The following DLGAP1 variants were observed in gnomAD, a reference collection of about 807,000 sequenced individuals.
DLGAP1 encodes DLG associated protein 1, also known as disks large-associated protein 1.
Under a neutral mutation model 90.8 loss-of-function variants are expected in DLGAP1, and 11 were observed. The observed-to-expected ratio is 0.12, with a 90% CI of 0.08 to 0.20. The LOEUF is 0.20. Ranked by LOEUF, DLGAP1 falls within the 10% of genes least tolerant of loss-of-function variation. The probability of loss-of-function intolerance (pLI) is 1.00; values close to 1 mark genes in which losing one functional copy is unlikely to be tolerated. For synonymous variants in DLGAP1, 558 were observed against 540.7 expected (o/e 1.03, Z -0.44); for missense variants, 1,050 against 1,333.8 (o/e 0.79, Z 3.31).
At chr18:4,141,464 T>C (rs918046776) in intron 2 of DLGAP1, among the ~76,000 whole-genome samples, 9 of 152,036 alleles carry the variant, frequency 5.9e-5, no homozygotes, top group Admixed American at 4.6e-4. Context: ...TTCCATGTCA[T>C]GTAGCCTCTG....
intron 7 of DLGAP1, among the ~76,000 whole-genome samples, chr18:3,726,088 G>A (rs1314608573): frequency 6.6e-6 from 1 of 152,156 alleles, no homozygotes; most frequent in Admixed American, 6.5e-5. Context: ...ACAAAATGAG[G>A]AATTTTTTTA....
At chr18:4,104,126 T>C (rs2075822693) in intron 2 of DLGAP1, among the ~76,000 whole-genome samples, 1 of 152,180 alleles carries the variant, frequency 6.6e-6, no homozygotes, top group Middle Eastern at 3.4e-3. Context: ...TACCTGGATG[T>C]AGTTTCAGAA....
intron 5 of DLGAP1, among the ~76,000 whole-genome samples, chr18:3,796,821 A>G (rs2066012364): frequency 6.6e-6 from 1 of 152,204 alleles, no homozygotes. Context: ...TTTCTTCTTC[A>G]TGGCTGAGGT....
rs187054066 is a variant in DLGAP1 at position 4,402,165 on chromosome 18, A to G, written c.-267+52841T>C. 2.8e-3 allele frequency among the ~76,000 whole-genome samples: 420 copies of G among 152,130 alleles called. 1 individual carries two copies. Among genetic ancestry groups the G allele is most frequent in the African/African-American group, 9.7e-3 (401 of 41,482 alleles). On this transcript the variant is annotated intron_variant, in intron 1 of 12. Transcript: ENST00000315677. Reference sequence around the variant, plus strand: ...CTTTTGGCGATAACTGAACTTCACCACTCTTTGGCCAATAAGTACCTAATC... The same window carrying G: ...CTTTTGGCGATAACTGAACTTCACCGCTCTTTGGCCAATAAGTACCTAATC...
intron 7 of DLGAP1, among the ~76,000 whole-genome samples, chr18:3,666,238 A>T (rs938545700): frequency 6.6e-6 from 1 of 152,258 alleles, no homozygotes; most frequent in African/African-American, 2.4e-5. Flanking sequence ...AATCTTTTGC[A>T]AATAATATCA....
intron 1 of DLGAP1, among the ~76,000 whole-genome samples, chr18:4,187,055 G>A (rs1407086218): frequency 6.6e-6 from 1 of 152,122 alleles, no homozygotes; most frequent in Admixed American, 6.6e-5. Flanking sequence ...CTCTTGGCTT[G>A]ACTGTTGTTG....
chr18:3,582,045 G>A lies in DLGAP1; in HGVS notation c.1795C>T (p.Leu599=). Residue 599 remains leucine, a synonymous_variant, in exon 8 of 13, where the codon CTG becomes TTG. Coordinates refer to ENST00000315677, the MANE Select transcript of DLGAP1 (RefSeq NM_004746.4). Reference sequence around the variant, plus strand: ...TTTGCAGCTTCGATGGCGGCTGTCAGAGCCTTCATACTGTCCAGGCTCTCG... The same window carrying A: ...TTTGCAGCTTCGATGGCGGCTGTCAAAGCCTTCATACTGTCCAGGCTCTCG... The part of the protein sequence containing the change: ...STESLDSMKA[L]TAAIEAANAQ... 10 of 1,613,850 alleles carry A rather than the reference G, an allele frequency of 6.2e-6. No individual in the cohort carries two copies. Among genetic ancestry groups the A allele is most frequent in the Non-Finnish European group, 8.5e-6 (10 of 1,179,980 alleles).
intron 3 of DLGAP1, among the ~76,000 whole-genome samples, chr18:4,003,812 G>A (rs910991089): frequency 7.2e-5 from 11 of 152,310 alleles, no homozygotes; most frequent in Middle Eastern, 3.4e-3. Flanking sequence ...AAATAAAGGC[G>A]CTGTGTGCGT....
At chr18:3,840,793 G>C (rs780570116) in intron 4 of DLGAP1, among the ~76,000 whole-genome samples, 2 of 152,140 alleles carry the variant, frequency 1.3e-5, no homozygotes, top group Non-Finnish European at 2.9e-5. Context: ...GAAAGCTTTA[G>C]TAATTTAGTA....
chr18:4,279,076 A>G (rs889097027), intron 1 of DLGAP1, among the ~76,000 whole-genome samples: 5 of 152,244 alleles, frequency 3.3e-5, no homozygotes, highest in Admixed American at 6.5e-5. Context: ...TGCAAAGGCA[A>G]TGGTTACATG....
At chr18:3,938,946 GCCCCAGTT>G (rs2072703939) in intron 3 of DLGAP1, among the ~76,000 whole-genome samples, 1 of 152,168 alleles carries the variant, frequency 6.6e-6, no homozygotes, top group South Asian at 2.1e-4. Flanking sequence ...GATGACAAGT[GCCCCAGTT>G]CTATGTATAC....
chr18:3,600,857 T>TAG (rs1568278757), intron 7 of DLGAP1, among the ~76,000 whole-genome samples: 9 of 73,690 alleles, frequency 1.2e-4, no homozygotes, highest in African/African-American at 5.5e-4. Flanking sequence ...GATATATAGA[T>TAG]ATATATAGAT....
At chr18:4,337,845 T>C (rs2081105649) in intron 1 of DLGAP1, among the ~76,000 whole-genome samples, 1 of 152,158 alleles carries the variant, frequency 6.6e-6, no homozygotes, top group Non-Finnish European at 1.5e-5. Flanking sequence ...TGAAATGAAA[T>C]TTCAGCTATT....
At chr18:3,742,578 G>T in intron 5 of DLGAP1, 66 bp from the exon 6 acceptor site, 1 of 1,567,724 alleles carries the variant, frequency 6.4e-7, no homozygotes, top group Non-Finnish European at 8.7e-7. Flanking sequence ...ATAACATGTG[G>T]CACTATTGTC....
intron 3 of DLGAP1, among the ~76,000 whole-genome samples, chr18:3,993,606 G>C (rs1415641803): frequency 1.3e-5 from 2 of 152,120 alleles, no homozygotes; most frequent in African/African-American, 4.8e-5. Context: ...TTTCCCTGGT[G>C]GAGTTTCAAG....
chr18:3,961,875 G>A (rs987888686), intron 3 of DLGAP1, among the ~76,000 whole-genome samples: 3 of 152,206 alleles, frequency 2.0e-5, no homozygotes, highest in African/African-American at 7.2e-5. Flanking sequence ...GGGGTCTTCT[G>A]ACACAGGGCA....
intron 3 of DLGAP1, among the ~76,000 whole-genome samples, chr18:3,932,663 T>C (rs979169635): frequency 5.3e-5 from 8 of 152,144 alleles, no homozygotes; most frequent in Non-Finnish European, 1.2e-4. Flanking sequence ...ATCTATCTCA[T>C]AGATAAAAAA....
intron 1 of DLGAP1, among the ~76,000 whole-genome samples, chr18:4,444,685 T>G (rs2083617913): frequency 6.6e-6 from 1 of 152,222 alleles, no homozygotes; most frequent in Admixed American, 6.5e-5. Flanking sequence ...ACAAGTAATT[T>G]TTAAATTCTT....
chr18:4,352,792 T>C (rs1013861144), intron 1 of DLGAP1, among the ~76,000 whole-genome samples: 2 of 152,190 alleles, frequency 1.3e-5, no homozygotes, highest in African/African-American at 4.8e-5. Flanking sequence ...TGTCTCAGTC[T>C]TTACGCTTAT....
Sources: allele counts gnomAD v4.1 joint callset (sites outside exome capture counted in the v4.1 genomes callset), GRCh38; gene constraint gnomAD v4.1.1; transcripts MANE v1.5; gene names NCBI Gene and HGNC (gene_info 2026-07-23, HGNC 2026-07-21).